MYH15: variants seen among roughly 807,000 people sequenced by gnomAD.
MYH15 encodes myosin heavy chain 15, also known as myosin-15.
MYH15 carries 227 observed loss-of-function variants against 240.5 expected under a neutral mutation model. The ratio of observed to expected loss-of-function variants is 0.94; its 90% CI spans 0.85 to 1.05. MYH15 has a LOEUF of 1.05. MYH15 is among the 50% of genes least tolerant of loss of function. MYH15 has a pLI of 0.00. For synonymous variants in MYH15, 785 were observed against 796.7 expected (o/e 0.99, Z 0.25); for missense variants, 2,217 against 2,247.5 (o/e 0.99, Z 0.27).
intron 1 of MYH15, among the ~76,000 whole-genome samples, chr3:108,518,944 G>A (rs762341832): frequency 6.6e-5 from 10 of 152,314 alleles, no homozygotes; most frequent in Admixed American, 1.3e-4. Flanking sequence ...GACTAGGTCT[G>A]CAGCACTCAG....
intron 21 of MYH15, among the ~76,000 whole-genome samples, 177 bp downstream of exon 21, chr3:108,453,829 G>C (rs1284261759): frequency 1.3e-5 from 2 of 152,138 alleles, no homozygotes; most frequent in African/African-American, 4.8e-5. Context: ...TGGTTGAATA[G>C]GGCAATAAAA....
At chr3:108,524,010 C>G (rs1457169060) in intron 1 of MYH15, among the ~76,000 whole-genome samples, 1 of 151,882 alleles carries the variant, frequency 6.6e-6, no homozygotes, top group Middle Eastern at 3.2e-3. Context: ...AAAATGTAAT[C>G]AGCATCCTTG....
intron 1 of MYH15, among the ~76,000 whole-genome samples, chr3:108,506,383 G>T (rs969658067): frequency 2.6e-5 from 4 of 152,072 alleles, no homozygotes; most frequent in Non-Finnish European, 4.4e-5. Context: ...CAACATAACC[G>T]GCTCATATTA....
intron 25 of MYH15, among the ~76,000 whole-genome samples, chr3:108,435,558 G>A (rs1404752246): frequency 6.6e-6 from 1 of 151,552 alleles, no homozygotes; most frequent in African/African-American, 2.4e-5. Flanking sequence ...GTGGAATCAT[G>A]CAGTCTTTTT....
At chr3:108,485,513 T>A (rs1051357456) in intron 10 of MYH15, among the ~76,000 whole-genome samples, 8 of 152,220 alleles carry the variant, frequency 5.3e-5, no homozygotes, top group Non-Finnish European at 1.0e-4. Flanking sequence ...CAGCAACAGA[T>A]CACTAACTGG....
the MYH15 span, among the ~76,000 whole-genome samples, chr3:108,542,703 C>T: frequency 0.14 from 21,210 of 152,108 alleles, 1,749 homozygotes; most frequent in East Asian, 0.35. Context: ...TCTCTTGCCC[C>T]CCACTCCTCC....
chr3:108,463,143 C>T lies in MYH15; in HGVS notation c.1832G>A (p.Ser611Asn), dbSNP rs1239071729. The change falls in exon 16 of 41, where the codon AGC becomes AAC. Residue 611 changes from serine to asparagine, a missense_variant. Ser to Asn is a conservative substitution (Grantham distance 46). Transcript: ENST00000693548. The part of the protein sequence containing the change: ...FQKSSNRLLA[S>N]LFENYMSTDS... ...AGTACTCATGTAATTTTCAAAAAGG[C>T]TCGCCAGGAGTCTGTTGGAAGACTT... The T allele has an allele frequency of 1.2e-6, 2 of 1,611,436 alleles. No homozygotes were observed. The highest frequency in any genetic ancestry group is 1.7e-5 in the Admixed American group (1 of 59,408).
chr3:108,522,193 C>A (rs2083624686), intron 1 of MYH15, among the ~76,000 whole-genome samples: 1 of 151,902 alleles, frequency 6.6e-6, no homozygotes, highest in Admixed American at 6.6e-5. Context: ...GGTGGAAAGA[C>A]AGAGGGGGAC....
At chr3:108,498,263 G>T in intron 5 of MYH15, 118 bp from the exon 6 acceptor site, 1 of 811,394 alleles carries the variant, frequency 1.2e-6, no homozygotes. Context: ...TAAAAGTAGA[G>T]CTTCAGATGG....
chr3:108,546,403 G>A, the MYH15 span, among the ~76,000 whole-genome samples: 1 of 152,160 alleles, frequency 6.6e-6, no homozygotes, highest in Non-Finnish European at 1.5e-5. Flanking sequence ...TGAAGATAAT[G>A]TAATGGAGAG....
intron 37 of MYH15, among the ~76,000 whole-genome samples, chr3:108,391,193 T>C (rs1560308950): frequency 6.6e-6 from 1 of 152,236 alleles, no homozygotes; most frequent in Non-Finnish European, 1.5e-5. Flanking sequence ...GCATTTATCA[T>C]ATGCCTTGTC....
At chr3:108,463,960 C>CAA (rs148443145) in intron 15 of MYH15, among the ~76,000 whole-genome samples, 8 of 144,796 alleles carry the variant, frequency 5.5e-5, no homozygotes, top group Non-Finnish European at 9.1e-5. Context: ...AGTGAACATT[C>CAA]AAAAAAAAAA....
chr3:108,550,800 T>A, the MYH15 span: 1 of 153,880 alleles, frequency 6.5e-6, no homozygotes, highest in Non-Finnish European at 1.4e-5. Flanking sequence ...AAGATCTAAA[T>A]AATCACAAAT....
At chr3:108,489,231 ATTG>A (rs779905822) in intron 9 of MYH15, among the ~76,000 whole-genome samples, 1 of 152,224 alleles carries the variant, frequency 6.6e-6, no homozygotes, top group African/African-American at 2.4e-5. Flanking sequence ...ATGATGCACA[ATTG>A]TTGTATACTT....
chr3:108,502,562 C>A (rs1006550486), intron 2 of MYH15, among the ~76,000 whole-genome samples: 5 of 152,000 alleles, frequency 3.3e-5, no homozygotes, highest in African/African-American at 1.2e-4. Context: ...AAGCACCTAT[C>A]ACAATGCTTG....
chr3:108,548,053 A>G, the MYH15 span, among the ~76,000 whole-genome samples: 1 of 152,222 alleles, frequency 6.6e-6, no homozygotes, highest in Admixed American at 6.6e-5. Context: ...GGTTAGCTAC[A>G]TAAGCAGAGG....
At chr3:108,469,490 C>A (rs940647235) in intron 14 of MYH15, among the ~76,000 whole-genome samples, 6 of 152,210 alleles carry the variant, frequency 3.9e-5, no homozygotes, top group African/African-American at 1.4e-4. Flanking sequence ...AATTCAGAAA[C>A]TGTACACTGC....
chr3:108,431,233 A>G (rs774440903), intron 25 of MYH15, among the ~76,000 whole-genome samples: 36 of 152,172 alleles, frequency 2.4e-4, no homozygotes, highest in Admixed American at 4.6e-4. Context: ...TCATTTTAAA[A>G]CTTCAATGAT....
At position 108,383,671 on chromosome 3, in the gene MYH15, T is replaced by C. The variant is rs1201545211; in HGVS notation, c.5690A>G (p.Glu1897Gly). 1.9e-6 allele frequency: 3 copies of C among 1,612,060 alleles called. No individual in the cohort carries two copies. The Admixed American group carries it at 5.0e-5, about 27-fold the overall frequency. The change falls in exon 40 of 41, where the codon GAA becomes GGA. Residue 1897 changes from glutamate (E) to glycine (G), a missense_variant. Transcript: ENST00000693548. ...TGCCACCTCTGCCCTTTCCTTCACT[T>C]CATTCAACTCATGTTGCTGTTTCTT... ...KYKKQQHELN[E>G]VKERAEVAES...
Sources: allele counts gnomAD v4.1 joint callset (sites outside exome capture counted in the v4.1 genomes callset), GRCh38; gene constraint gnomAD v4.1.1; transcripts MANE v1.5; gene names NCBI Gene and HGNC (gene_info 2026-07-23, HGNC 2026-07-21).